The following EIF3D variants were observed in gnomAD, a reference collection of about 807,000 sequenced individuals.
EIF3D encodes the protein eukaryotic translation initiation factor 3 subunit D.
In EIF3D, 10 loss-of-function variants were observed where a neutral mutation model predicts 75.4. That is an observed-to-expected ratio of 0.13 (90% CI 0.08 to 0.22). The LOEUF (loss-of-function observed/expected upper bound fraction) is 0.22. Among genes scored for constraint, EIF3D ranks in the 10% least tolerant of loss-of-function variants. The pLI is 1.00. For missense variants in EIF3D, 394 were observed against 708.0 expected (o/e 0.56, Z 5.03); for synonymous variants, 246 against 248.3 (o/e 0.99, Z 0.09).
At chr22:36,515,147 T>C (rs1175930630) in intron 12 of EIF3D, among the ~76,000 whole-genome samples, 2 of 152,212 alleles carry the variant, frequency 1.3e-5, no homozygotes, top group African/African-American at 4.8e-5. Context: ...CTCTCAGGCA[T>C]TTCTTTACAG....
chr22:36,516,304 C>T, intron 12 of EIF3D, 174 bp downstream of exon 12: 1 of 702,158 alleles, frequency 1.4e-6, no homozygotes, highest in Middle Eastern at 4.1e-4. Flanking sequence ...TGCTCTTTCT[C>T]AGCAAGGAAC....
At chr22:36,524,101 T>C in intron 4 of EIF3D, 121 bp from the exon 5 acceptor site, 1 of 981,900 alleles carries the variant, frequency 1.0e-6, no homozygotes, top group Non-Finnish European at 1.6e-6. Flanking sequence ...CACATCTTAC[T>C]CTGTGCTTTC....
intron 12 of EIF3D, 55 bp from the exon 13 acceptor site, chr22:36,512,657 T>C (rs556406724): frequency 1.9e-6 from 3 of 1,574,998 alleles, no homozygotes; most frequent in Non-Finnish European, 2.6e-6. Flanking sequence ...CCCAAGGTGC[T>C]GGGACCTCCT....
In EIF3D at chr22:36,511,236, C is replaced by G. The variant is rs183040483; in HGVS notation, c.1634-236G>C. 2.3e-3 allele frequency: 1,872 copies of G among 802,152 alleles called. 3 individuals are homozygous for G. The highest frequency in any genetic ancestry group is 2.9e-3 in the Non-Finnish European group (1,547 of 526,934). The allele number at this position is 802,152 out of a possible 1,614,324, so 49.7% of individuals were successfully genotyped here. On this transcript the variant is annotated intron_variant, in intron 14 of 14. Transcript: ENST00000216190. The stretch of plus-strand genomic sequence containing the variant: ...AGCGGAGCTTTTCCCTCTAGACCAC[C>G]GGCTTCAATCTGGGACTTCCCTCAT...
At chr22:36,512,888 G>A in intron 12 of EIF3D, 2 of 336,098 alleles carry the variant, frequency 6.0e-6, no homozygotes, top group Non-Finnish European at 5.5e-6. Flanking sequence ...CACTTTAGAA[G>A]TGTCATATAA....
intron 6 of EIF3D, among the ~76,000 whole-genome samples, chr22:36,522,225 A>C (rs1396600611): frequency 6.6e-6 from 1 of 152,034 alleles, no homozygotes; most frequent in East Asian, 1.9e-4. Context: ...GTGGTGGTGC[A>C]TGCCTATAGT....
intron 4 of EIF3D, 63 bp from the exon 5 acceptor site, chr22:36,524,043 C>A (rs1348913733): frequency 1.3e-6 from 2 of 1,523,282 alleles, no homozygotes; most frequent in African/African-American, 1.4e-5. Context: ...ATAGGCAGAA[C>A]AAGTGGGAGG....
At chr22:36,512,380 C>A in intron 13 of EIF3D, 80 bp downstream of exon 13, 4 of 1,562,618 alleles carry the variant, frequency 2.6e-6, no homozygotes, top group Admixed American at 1.7e-5. Flanking sequence ...GTCCAGTACA[C>A]GGGGAGGGGA....
At chr22:36,528,549 G>C (rs1334820431) in intron 1 of EIF3D, among the ~76,000 whole-genome samples, 3 of 148,938 alleles carry the variant, frequency 2.0e-5, no homozygotes, top group Non-Finnish European at 4.4e-5. Context: ...AAGGGGCTCT[G>C]TGGTTGGCAG....
intron 6 of EIF3D, 52 bp from the exon 7 acceptor site, chr22:36,520,740 T>A (rs1475329048): frequency 1.5e-6 from 2 of 1,319,736 alleles, no homozygotes; most frequent in Non-Finnish European, 1.1e-6. Flanking sequence ...ATACAAAACA[T>A]AAATAAAAGA....
chr22:36,511,819 A>T, intron 13 of EIF3D, 33 bp from the exon 14 acceptor site: 1 of 1,596,564 alleles, frequency 6.3e-7, no homozygotes, highest in Non-Finnish European at 8.6e-7. Context: ...TGGTCAGAGC[A>T]GGGCAGCACA....
intron 1 of EIF3D, chr22:36,526,991 T>C (rs1409183885): frequency 6.6e-6 from 1 of 152,140 alleles, no homozygotes; most frequent in Non-Finnish European, 1.5e-5. Context: ...TTTATGTATA[T>C]AGAGTGCTGA....
At chr22:36,525,797 C>T (rs940029221) in intron 2 of EIF3D, 88 bp from the exon 3 acceptor site, 41 of 1,531,948 alleles carry the variant, frequency 2.7e-5, no homozygotes, top group African/African-American at 1.1e-4. Context: ...GAGAGGACAG[C>T]GTGGAAGAGT....
At position 36,523,021 on chromosome 22, in the gene EIF3D, A is replaced by G. The variant is rs925909619; in HGVS notation, c.465+188T>C. The G allele has an allele frequency of 5.5e-6, 3 of 549,512 alleles. No individual in the cohort carries two copies. In the Admixed American group the frequency reaches 8.7e-5, roughly 16 times the overall value. The allele number at this position is 549,512 out of a possible 1,614,324, so 34.0% of individuals were successfully genotyped here. On this transcript the variant is annotated intron_variant, in intron 6 of 14. Transcript: ENST00000216190. ...AACAGATCAAGACAGGGTGACTGCT[A>G]AAGGGTAAGGGATTCTTTTGAGGGT...
At chr22:36,517,849 G>A (rs529485536) in intron 9 of EIF3D, among the ~76,000 whole-genome samples, 1 of 152,176 alleles carries the variant, frequency 6.6e-6, no homozygotes, top group Admixed American at 6.5e-5. Flanking sequence ...CTGGGTTCAA[G>A]CGATTCTCCT....
chr22:36,525,238 A>AATTTTTTTTT (rs1569001775), intron 3 of EIF3D, among the ~76,000 whole-genome samples: 1 of 117,608 alleles, frequency 8.5e-6, no homozygotes, highest in African/African-American at 3.2e-5. Context: ...CAGGGGTTTT[A>AATTTTTTTTT]CTTTTTTTTT....
intron 2 of EIF3D, 123 bp downstream of exon 2, chr22:36,525,876 T>C: frequency 6.7e-7 from 1 of 1,489,510 alleles, no homozygotes; most frequent in Non-Finnish European, 9.0e-7. Context: ...AGATAACCTT[T>C]CTCAGCTGGC....
rs1013634055 is a variant in EIF3D at position 36,520,413 on chromosome 22, C to T, written c.578+163G>A. On this transcript the variant is annotated intron_variant, in intron 7 of 14. Coordinates refer to ENST00000216190, the MANE Select transcript of EIF3D (RefSeq NM_003753.4). ...CCTCAGGTGACCCACTGCACCTGGC[C>T]GGTCTTGATTTTTTTCAAATACCTC... Among the ~76,000 whole-genome samples the T allele has an allele frequency of 4.6e-5, 7 of 152,092 alleles. No homozygotes were observed. In the South Asian group the frequency reaches 6.2e-4, roughly 14 times the overall value.
chr22:36,513,987 C>CA lies in EIF3D; in HGVS notation c.1207-1386dup, dbSNP rs142106679. 5.0e-3 allele frequency among the ~76,000 whole-genome samples: 766 copies of CA among 152,246 alleles called. 5 individuals are homozygous for CA. The highest frequency in any genetic ancestry group is 0.017 in the African/African-American group (723 of 41,522). Reference sequence around the variant, plus strand: ...GAGAAATCAGTTAGGAGACAAATGTCAAACAGGCATGATGAAATGGGGCCC... The same window carrying CA: ...GAGAAATCAGTTAGGAGACAAATGTCAAAACAGGCATGATGAAATGGGGCCC... On this transcript the variant is annotated intron_variant, in intron 12 of 14. Transcript: ENST00000216190.
Sources: allele counts gnomAD v4.1 joint callset (sites outside exome capture counted in the v4.1 genomes callset), GRCh38; gene constraint gnomAD v4.1.1; transcripts MANE v1.5; gene names NCBI Gene and HGNC (gene_info 2026-07-23, HGNC 2026-07-21).